The following PRKN variants were observed in gnomAD, a reference collection of about 807,000 sequenced individuals.
PRKN encodes the protein E3 ubiquitin-protein ligase parkin.
In PRKN, 56 loss-of-function variants were observed where a neutral mutation model predicts 59.5. The observed-to-expected ratio is 0.94, with a 90% CI of 0.76 to 1.18. The LOEUF (loss-of-function observed/expected upper bound fraction) is 1.18, where lower values mean the gene tolerates loss of function less well. Among genes scored for constraint, PRKN ranks in the 50% most tolerant of loss-of-function variants. PRKN has a pLI of 0.00. For synonymous variants in PRKN, 250 were observed against 222.1 expected (o/e 1.13, Z -1.12); for missense variants, 657 against 596.4 (o/e 1.10, Z -1.06).
intron 1 of PRKN, among the ~76,000 whole-genome samples, chr6:162,626,829 A>AAC (rs1554255692): frequency 3.3e-5 from 5 of 151,608 alleles, no homozygotes; most frequent in African/African-American, 9.7e-5. Flanking sequence ...AAAAAAAAAA[A>AAC]ATTTAACTGA....
chr6:162,573,271 T>G (rs1180123068), intron 1 of PRKN, among the ~76,000 whole-genome samples: 4 of 152,148 alleles, frequency 2.6e-5, no homozygotes, highest in Non-Finnish European at 5.9e-5. Flanking sequence ...ACTCTGTGCA[T>G]GCAAGCTTCC....
intron 7 of PRKN, among the ~76,000 whole-genome samples, chr6:161,641,511 C>G (rs1286710066): frequency 6.6e-6 from 1 of 152,184 alleles, no homozygotes; most frequent in African/African-American, 2.4e-5. Context: ...TTCTTACCTA[C>G]CAAATTATCC....
At chr6:162,721,895 G>A (rs898540960) in intron 1 of PRKN, among the ~76,000 whole-genome samples, 4 of 152,160 alleles carry the variant, frequency 2.6e-5, no homozygotes, top group African/African-American at 4.8e-5. Flanking sequence ...GTTTTGAGAT[G>A]TTCAACAGAA....
rs1790791781 is a variant in PRKN, at chr6:161,471,592, A to G, written c.1083+77262T>C. ...ATAGACCTTGACAGAATGATGACCT[A>G]ATTTCTATATGCTCTTGAATTGGAT... On this transcript the variant is annotated intron_variant, in intron 9 of 11. Coordinates refer to ENST00000366898, the MANE Select transcript of PRKN (RefSeq NM_004562.3). The surrounding 1 kb of genome is among the most constrained non-coding windows in gnomAD (Gnocchi z 4.5). Among the ~76,000 whole-genome samples, 1 of 152,156 alleles carries G rather than the reference A, an allele frequency of 6.6e-6. No homozygotes were observed. Among genetic ancestry groups the G allele is most frequent in the Admixed American group, 6.5e-5 (1 of 15,278 alleles).
chr6:161,638,754 T>TTTC (rs897377026), intron 7 of PRKN, among the ~76,000 whole-genome samples: 1 of 148,204 alleles, frequency 6.7e-6, no homozygotes, highest in African/African-American at 2.5e-5. Context: ...TTTTTTTTTT[T>TTTC]TTTTTGAGAC....
At chr6:161,721,667 C>A (rs113896538) in intron 7 of PRKN, among the ~76,000 whole-genome samples, 1,847 of 152,066 alleles carry the variant, frequency 0.012, 40 homozygotes, top group African/African-American at 0.042. Flanking sequence ...GGCTCTGGGT[C>A]CCCCCCGTGC....
intron 3 of PRKN, among the ~76,000 whole-genome samples, chr6:162,258,307 G>A (rs1032021646): frequency 6.6e-6 from 1 of 152,146 alleles, no homozygotes; most frequent in Non-Finnish European, 1.5e-5. Flanking sequence ...ACTGTGCTTG[G>A]CACAGAGTAA....
At chr6:162,251,407 G>T (rs765142636) in intron 3 of PRKN, among the ~76,000 whole-genome samples, 11 of 152,124 alleles carry the variant, frequency 7.2e-5, no homozygotes, top group Non-Finnish European at 1.2e-4. Flanking sequence ...GGGGAGCCCA[G>T]GTTATGTAAA....
At chr6:162,262,177 C>T (rs1779915297) in intron 3 of PRKN, among the ~76,000 whole-genome samples, 1 of 152,162 alleles carries the variant, frequency 6.6e-6, no homozygotes, top group African/African-American at 2.4e-5. Flanking sequence ...AGAGTCCTTT[C>T]ACACTAAGGA....
intron 1 of PRKN, among the ~76,000 whole-genome samples, chr6:162,535,350 A>AT (rs1233490878): frequency 1.3e-5 from 2 of 152,100 alleles, no homozygotes; most frequent in Non-Finnish European, 2.9e-5. Context: ...CCTGGTTCCT[A>AT]TTATAATACT....
intron 7 of PRKN, among the ~76,000 whole-genome samples, chr6:161,651,558 G>A (rs1442625194): frequency 2.6e-5 from 4 of 152,190 alleles, no homozygotes; most frequent in South Asian, 4.1e-4. Flanking sequence ...CTTACCAAGT[G>A]TTTCTCATCT....
intron 2 of PRKN, among the ~76,000 whole-genome samples, chr6:162,431,997 T>C (rs1789555184): frequency 6.6e-6 from 1 of 152,202 alleles, no homozygotes; most frequent in South Asian, 2.1e-4. Flanking sequence ...CCCCCCTTTA[T>C]CATAACTGAT....
At position 161,409,336 on chromosome 6, in the gene PRKN, G is replaced by C. The variant is rs1394103545; in HGVS notation, c.1084-22459C>G. On this transcript the variant is annotated intron_variant, in intron 9 of 11. Coordinates refer to ENST00000366898, the MANE Select transcript of PRKN (RefSeq NM_004562.3). This position sits in a 1 kb window ranked among gnomAD's most constrained non-coding sequence, Gnocchi z 4.6. ...ACAGAAAATCTCTGAGACGATGACAGCATTGTGTGTTCTCTAAAGCGCCAG... is the reference window on the plus strand; with the variant it reads ...ACAGAAAATCTCTGAGACGATGACACCATTGTGTGTTCTCTAAAGCGCCAG... Among the ~76,000 whole-genome samples the C allele has an allele frequency of 6.6e-6, 1 of 152,198 alleles. No homozygotes were observed. The highest frequency in any genetic ancestry group is 1.5e-5 in the Non-Finnish European group (1 of 68,044).
At chr6:161,427,041 A>G (rs1364688521) in intron 9 of PRKN, among the ~76,000 whole-genome samples, 1 of 151,402 alleles carries the variant, frequency 6.6e-6, no homozygotes, top group Non-Finnish European at 1.5e-5. Context: ...TTTTTGAGAC[A>G]GGGTTTTACT....
chr6:162,711,756 A>G (rs2128238817), intron 1 of PRKN, among the ~76,000 whole-genome samples: 1 of 152,334 alleles, frequency 6.6e-6, no homozygotes, highest in East Asian at 1.9e-4. Context: ...GGGGGAAAGT[A>G]GGCCACAGAA....
At chr6:161,418,949 C>T (rs535119897) in intron 9 of PRKN, among the ~76,000 whole-genome samples, 56 of 152,300 alleles carry the variant, frequency 3.7e-4, no homozygotes, top group African/African-American at 1.3e-3. Flanking sequence ...AATCAGAAAA[C>T]AATGTCTGGT....
chr6:161,504,987 G>T (rs866657515), intron 9 of PRKN, among the ~76,000 whole-genome samples: 1 of 148,526 alleles, frequency 6.7e-6, no homozygotes, highest in Admixed American at 6.7e-5. Context: ...ATAAACATAC[G>T]TGTGCATGTG....
intron 3 of PRKN, among the ~76,000 whole-genome samples, chr6:162,230,964 C>T (rs1357989067): frequency 2.6e-5 from 4 of 152,136 alleles, no homozygotes; most frequent in Non-Finnish European, 4.4e-5. Flanking sequence ...CACCTGTCTC[C>T]CCAATGTGAT....
At chr6:161,659,516 G>A (rs909846190) in intron 7 of PRKN, among the ~76,000 whole-genome samples, 3 of 152,182 alleles carry the variant, frequency 2.0e-5, no homozygotes, top group African/African-American at 7.2e-5. Flanking sequence ...AGGATACAGA[G>A]CAGTGCTAAG....
Sources: allele counts gnomAD v4.1 joint callset (sites outside exome capture counted in the v4.1 genomes callset), GRCh38; gene constraint gnomAD v4.1.1; non-coding constraint Gnocchi (gnomAD v3.1); transcripts MANE v1.5; gene names NCBI Gene and HGNC (gene_info 2026-07-23, HGNC 2026-07-21).